CTNNA3: variants seen among roughly 807,000 people sequenced by gnomAD.
CTNNA3 encodes catenin alpha 3, also known as catenin alpha-3.
In CTNNA3, 76 loss-of-function variants were observed where a neutral mutation model predicts 95.7. The ratio of observed to expected loss-of-function variants is 0.79; its 90% CI spans 0.66 to 0.96. The LOEUF is 0.96. Ranked by LOEUF, CTNNA3 falls within the 40% of genes least tolerant of loss-of-function variation. The pLI, the probability that CTNNA3 is intolerant of heterozygous loss-of-function variation, is 0.00. For synonymous variants in CTNNA3, 431 were observed against 374.4 expected, an observed-to-expected ratio of 1.15 and a Z score of -1.74; for missense variants, 1,191 against 1,089.8, an observed-to-expected ratio of 1.09 and a Z score of -1.31.
At chr10:67,552,989 T>C (rs1841089054) in intron 3 of CTNNA3, among the ~76,000 whole-genome samples, 1 of 152,178 alleles carries the variant, frequency 6.6e-6, no homozygotes, top group Admixed American at 6.5e-5. Flanking sequence ...ACCCCGTTTT[T>C]TTACCACCCA....
intron 7 of CTNNA3, among the ~76,000 whole-genome samples, chr10:66,841,616 A>C (rs552277334): frequency 6.6e-6 from 1 of 152,306 alleles, no homozygotes; most frequent in South Asian, 2.1e-4. Flanking sequence ...ATGGCTCAGC[A>C]AAACAGGGGG....
chr10:66,615,477 A>G (rs2132297869), intron 10 of CTNNA3, among the ~76,000 whole-genome samples: 1 of 152,120 alleles, frequency 6.6e-6, no homozygotes, highest in Admixed American at 6.6e-5. Flanking sequence ...CACAGGAAGG[A>G]GAAGGAACTG....
At chr10:66,106,336 T>TG (rs2081907525) in intron 13 of CTNNA3, among the ~76,000 whole-genome samples, 3 of 115,204 alleles carry the variant, frequency 2.6e-5, no homozygotes, top group Admixed American at 1.1e-4. Context: ...TGTGTGTGTG[T>TG]TTGTGTGTGT....
chr10:66,299,632 T>A lies in CTNNA3; in HGVS notation c.1733-19011A>T, dbSNP rs766373976. ...CATCACACTCATTGGATGAAGTAAA[T>A]CTATACTATCCATTCAGAGAGAAAT... On this transcript the variant is annotated intron_variant, in intron 12 of 17. Coordinates refer to ENST00000433211, the MANE Select transcript of CTNNA3 (RefSeq NM_013266.4). Among the ~76,000 whole-genome samples, 67 of 152,088 alleles carry A rather than the reference T, an allele frequency of 4.4e-4. 1 individual carries two copies. Among genetic ancestry groups the A allele is most frequent in the Admixed American group, 1.3e-4 (2 of 15,258 alleles).
intron 9 of CTNNA3, among the ~76,000 whole-genome samples, chr10:66,660,193 G>C (rs1846214681): frequency 6.6e-6 from 1 of 152,116 alleles, no homozygotes; most frequent in South Asian, 2.1e-4. Flanking sequence ...CTGCCCATTT[G>C]CTCATACAAC....
At chr10:67,459,213 TCCTTTC>T (rs1166890053) in intron 5 of CTNNA3, among the ~76,000 whole-genome samples, 1 of 152,196 alleles carries the variant, frequency 6.6e-6, no homozygotes, top group Non-Finnish European at 1.5e-5. Context: ...AATAATAGAA[TCCTTTC>T]CCCCAATTAG....
At chr10:67,412,672 T>C (rs1227123506) in intron 5 of CTNNA3, among the ~76,000 whole-genome samples, 1 of 152,028 alleles carries the variant, frequency 6.6e-6, no homozygotes, top group East Asian at 1.9e-4. Context: ...GAAAAAACCT[T>C]ACAAGCCAGA....
intron 10 of CTNNA3, among the ~76,000 whole-genome samples, chr10:66,546,626 G>T (rs117034995): frequency 0.024 from 3,683 of 152,244 alleles, 90 homozygotes; most frequent in East Asian, 0.057. Context: ...GCATCAGGCG[G>T]TAGATGTGAG....
chr10:67,128,150 C>T (rs1455366619), intron 7 of CTNNA3, among the ~76,000 whole-genome samples: 1 of 152,104 alleles, frequency 6.6e-6, no homozygotes, highest in Non-Finnish European at 1.5e-5. Context: ...TATGTGTCAA[C>T]TTGACTGGCC....
intron 17 of CTNNA3, among the ~76,000 whole-genome samples, chr10:65,929,181 C>T (rs2077212624): frequency 6.6e-6 from 1 of 152,132 alleles, no homozygotes; most frequent in Non-Finnish European, 1.5e-5. Context: ...TAGCTTCATC[C>T]ATGTCCCTGC....
At chr10:67,701,594 C>G (rs1162688848) in intron 1 of CTNNA3, among the ~76,000 whole-genome samples, 1 of 152,208 alleles carries the variant, frequency 6.6e-6, no homozygotes, top group Non-Finnish European at 1.5e-5. Context: ...TTGTCACCAA[C>G]AGGCCTGCCC....
chr10:66,820,497 G>C (rs1045245982), intron 7 of CTNNA3, among the ~76,000 whole-genome samples: 3 of 151,928 alleles, frequency 2.0e-5, no homozygotes, highest in African/African-American at 7.2e-5. Flanking sequence ...TACAGCTCAA[G>C]TAAAAATAAA....
Position 66,505,739 on chromosome 10 carries a change from T to C in CTNNA3, c.1531+14878A>G, listed in dbSNP as rs146437818. 1.5e-4 allele frequency among the ~76,000 whole-genome samples: 23 copies of C among 152,276 alleles called. 1 individual carries two copies. Among genetic ancestry groups the C allele is most frequent in the African/African-American group, 4.6e-4 (19 of 41,556 alleles). ...AAAACGAGGGAACACCTGTTTTATA[T>C]TGGATTTACTTTCATTTCTAAGGGC... On this transcript the variant is annotated intron_variant, in intron 11 of 17. Coordinates refer to ENST00000433211, the MANE Select transcript of CTNNA3 (RefSeq NM_013266.4).
chr10:67,712,248 A>C (rs1310083305), intron 1 of CTNNA3, among the ~76,000 whole-genome samples: 1 of 152,234 alleles, frequency 6.6e-6, no homozygotes, highest in East Asian at 1.9e-4. Context: ...AAAGTAAAAA[A>C]GCTTGGAAAA....
chr10:66,012,812 GC>G, intron 15 of CTNNA3, among the ~76,000 whole-genome samples: 1 of 152,266 alleles, frequency 6.6e-6, no homozygotes, highest in Middle Eastern at 3.4e-3. Flanking sequence ...TAGATTGACA[GC>G]TTTAACTATC....
chr10:67,065,836 T>C (rs1382046263), intron 7 of CTNNA3, among the ~76,000 whole-genome samples: 1 of 152,090 alleles, frequency 6.6e-6, no homozygotes, highest in Non-Finnish European at 1.5e-5. Flanking sequence ...AGTGAGATTT[T>C]GGGGTTTGTC....
chr10:66,640,055 C>T (rs1412792471), intron 9 of CTNNA3, among the ~76,000 whole-genome samples: 2 of 152,094 alleles, frequency 1.3e-5, no homozygotes, highest in African/African-American at 4.8e-5. Context: ...GGAATATGTG[C>T]TTAATTAAAA....
At chr10:66,383,264 G>C (rs137946452) in intron 11 of CTNNA3, among the ~76,000 whole-genome samples, 6 of 152,220 alleles carry the variant, frequency 3.9e-5, no homozygotes, top group Non-Finnish European at 4.4e-5. Context: ...ACCTGATGGA[G>C]CTGAAAACCA....
At chr10:66,026,467 G>C (rs2079340031) in intron 15 of CTNNA3, among the ~76,000 whole-genome samples, 1 of 152,118 alleles carries the variant, frequency 6.6e-6, no homozygotes, top group South Asian at 2.1e-4. Context: ...TCAAAACAAA[G>C]TGAAAGAGTA....
Sources: allele counts gnomAD v4.1 joint callset (sites outside exome capture counted in the v4.1 genomes callset), GRCh38; gene constraint gnomAD v4.1.1; transcripts MANE v1.5; gene names NCBI Gene and HGNC (gene_info 2026-07-23, HGNC 2026-07-21).